The following PTBP3 variants were observed in gnomAD, a reference collection of about 807,000 sequenced individuals.
The protein encoded by PTBP3 is polypyrimidine tract-binding protein 3.
A neutral mutation model predicts 58.7 loss-of-function variants in PTBP3; 20 were observed. The observed-to-expected ratio is 0.34, with a 90% CI of 0.24 to 0.50. The LOEUF is 0.50. Among genes scored for constraint, PTBP3 ranks in the 20% least tolerant of loss-of-function variants. PTBP3 has a pLI of 0.98. For missense variants in PTBP3, 509 were observed against 637.2 expected (o/e 0.80, Z 2.17); for synonymous variants, 185 against 219.8 (o/e 0.84, Z 1.40).
chr9:112,230,040 T>C (rs115853672), intron 10 of PTBP3, among the ~76,000 whole-genome samples: 3,434 of 152,284 alleles, frequency 0.023, 108 homozygotes, highest in African/African-American at 0.066. Flanking sequence ...CTCTCGGGCG[T>C]TGAAAATTTT....
Position 112,252,805 on chromosome 9 carries a change from A to G in PTBP3, c.517-17T>C. ...AGAAAATATCTGGAAAACAGTTCAC[A>G]TTAGGTTAAATGTAAAAGAAAAGTA... On this transcript the variant is annotated splice_polypyrimidine_tract_variant and intron_variant, in intron 5 of 13. Coordinates refer to ENST00000374257, the MANE Select transcript of PTBP3 (RefSeq NM_001163788.4). 7.3e-7 allele frequency: 1 copy of G among 1,368,008 alleles called. No homozygotes were observed. The highest frequency in any genetic ancestry group is 1.2e-5 in the South Asian group (1 of 83,852). 84.7% of individuals were successfully genotyped at this position (1,368,008 alleles called of 1,614,324 possible). A position where few individuals can be genotyped will look rare whatever the true frequency, so the allele number is the denominator to read the frequency against.
chr9:112,365,154 GTC>G, the PTBP3 span, among the ~76,000 whole-genome samples: 1 of 81,178 alleles, frequency 1.2e-5, no homozygotes, highest in East Asian at 2.4e-4. Context: ...CATTGTATAT[GTC>G]TATCTATCTA....
chr9:112,349,136 G>A, the PTBP3 span, among the ~76,000 whole-genome samples: 1 of 152,080 alleles, frequency 6.6e-6, no homozygotes, highest in Admixed American at 6.6e-5. Context: ...GATCCTCTAG[G>A]TAGCCTCAGT....
intron 2 of PTBP3, among the ~76,000 whole-genome samples, chr9:112,278,034 A>G (rs977485957): frequency 3.3e-5 from 5 of 152,168 alleles, no homozygotes; most frequent in African/African-American, 1.2e-4. Flanking sequence ...CCAAATACCT[A>G]AACAGGCACC....
At chr9:112,314,732 A>C (rs536728765) in intron 1 of PTBP3, among the ~76,000 whole-genome samples, 3 of 152,160 alleles carry the variant, frequency 2.0e-5, no homozygotes, top group African/African-American at 7.2e-5. Context: ...ACAAATCTAC[A>C]ATTGCGGACA....
At chr9:112,331,524 A>T (rs1375600145) in intron 1 of PTBP3, among the ~76,000 whole-genome samples, 17 of 152,236 alleles carry the variant, frequency 1.1e-4, no homozygotes, top group Admixed American at 1.1e-3. Context: ...AATACCACGT[A>T]GATTTTTTAT....
At chr9:112,321,146 A>G (rs1829931048) in intron 1 of PTBP3, among the ~76,000 whole-genome samples, 2 of 152,346 alleles carry the variant, frequency 1.3e-5, no homozygotes, top group South Asian at 2.1e-4. Flanking sequence ...TATATAAAGA[A>G]TTCTTACACT....
intron 1 of PTBP3, among the ~76,000 whole-genome samples, chr9:112,300,755 GA>G (rs111312923): frequency 0.013 from 1,854 of 143,344 alleles, 40 homozygotes; most frequent in African/African-American, 0.044. Flanking sequence ...CCGTCTCAAA[GA>G]AAAAAAAAAA....
At chr9:112,329,501 T>C (rs887868475) in intron 1 of PTBP3, among the ~76,000 whole-genome samples, 4 of 152,214 alleles carry the variant, frequency 2.6e-5, no homozygotes, top group African/African-American at 9.7e-5. Context: ...AAATACTAAT[T>C]ATCCAGCTCT....
rs76795645 is a variant in PTBP3, at chr9:112,311,196, G to GTT, written c.-51-13282_-51-13281dup. Among the ~76,000 whole-genome samples the GTT allele has an allele frequency of 1.3e-3, 189 of 145,734 alleles. 1 individual carries two copies. Among genetic ancestry groups the GTT allele is most frequent in the African/African-American group, 4.4e-3 (174 of 39,820 alleles). ...CAGTTGCAGTTATGGTGGAAAATGT[G>GTT]TTTTTTTTTTTTTAATATACGATTG... On this transcript the variant is annotated intron_variant, in intron 1 of 13. Coordinates refer to ENST00000374257, the MANE Select transcript of PTBP3 (RefSeq NM_001163788.4).
At position 112,240,548 on chromosome 9, in the gene PTBP3, TAAAG is replaced by T. The variant is rs552546881; in HGVS notation, c.803-5655_803-5652del. Among the ~76,000 whole-genome samples, 239 of 151,892 alleles carry T rather than the reference TAAAG, an allele frequency of 1.6e-3. 1 individual carries two copies. The highest frequency in any genetic ancestry group is 5.6e-3 in the African/African-American group (232 of 41,470). On this transcript the variant is annotated intron_variant, in intron 7 of 13. Coordinates refer to ENST00000374257, the MANE Select transcript of PTBP3 (RefSeq NM_001163788.4). ...GTGTACAGTATATAATACTTGATAA[TAAAG>T]AATTATGTTATTGGTTTATATACAT... is the stretch of plus-strand genomic sequence containing the variant.
chr9:112,264,035 T>C (rs980146169), intron 4 of PTBP3, among the ~76,000 whole-genome samples: 30 of 152,140 alleles, frequency 2.0e-4, no homozygotes, highest in African/African-American at 7.2e-4. Context: ...AGAATTCCTA[T>C]TATGGGAAAT....
the PTBP3 span, among the ~76,000 whole-genome samples, chr9:112,379,276 G>A: frequency 6.6e-6 from 1 of 152,194 alleles, no homozygotes; most frequent in East Asian, 1.9e-4. Context: ...ATCTCCTCAA[G>A]GTCCTGTTCT....
chr9:112,230,853 C>A (rs562609107), intron 10 of PTBP3, among the ~76,000 whole-genome samples: 1 of 152,154 alleles, frequency 6.6e-6, no homozygotes, highest in Non-Finnish European at 1.5e-5. Flanking sequence ...AAACCTGAAT[C>A]GCATTATACC....
intron 2 of PTBP3, among the ~76,000 whole-genome samples, chr9:112,291,476 G>C (rs1320268060): frequency 3.3e-5 from 5 of 152,014 alleles, no homozygotes; most frequent in Admixed American, 6.5e-5. Context: ...ACATTACAAA[G>C]CTATAGTAAT....
In PTBP3 at chr9:112,223,144, T is replaced by C. The variant is rs1225803336; in HGVS notation, c.*707A>G. The C allele has an allele frequency of 1.6e-5, 14 of 892,728 alleles. No homozygotes were observed. Among genetic ancestry groups the C allele is most frequent in the South Asian group, 5.2e-5 (1 of 19,296 alleles). The allele number at this position is 892,728 out of a possible 1,614,324, so 55.3% of individuals were successfully genotyped here. On this transcript the variant is annotated 3_prime_UTR_variant, in exon 14 of 14. Transcript: ENST00000374257. Reference sequence around the variant, plus strand: ...CTGACATCTTATTAACAGATCTTAGTTGAATTCCACTTAATTTCCCTGGGG... The same window carrying C: ...CTGACATCTTATTAACAGATCTTAGCTGAATTCCACTTAATTTCCCTGGGG...
chr9:112,221,473 T>G lies in PTBP3; in HGVS notation c.*2378A>C. On this transcript the variant is annotated 3_prime_UTR_variant, in exon 14 of 14. Transcript: ENST00000374257. ...CATGAATTAATAAATTACACAGTAA[T>G]TCCTAACTTAAAGTAAATGAAATAA... 2 of 985,472 alleles carry G rather than the reference T, an allele frequency of 2.0e-6. No individual in the cohort carries two copies. The highest frequency in any genetic ancestry group is 2.4e-6 in the Non-Finnish European group (2 of 829,578). 61.0% of individuals were successfully genotyped at this position (985,472 alleles called of 1,614,324 possible). A position where few individuals can be genotyped will look rare whatever the true frequency, so the allele number is the denominator to read the frequency against.
chr9:112,336,278 A>G (rs1830575778), upstream of PTBP3, among the ~76,000 whole-genome samples: 1 of 152,238 alleles, frequency 6.6e-6, no homozygotes. Flanking sequence ...TCATGAATGT[A>G]TGAGTATCTT....
chr9:112,343,546 T>C, the PTBP3 span, among the ~76,000 whole-genome samples: 1 of 152,176 alleles, frequency 6.6e-6, no homozygotes, highest in Non-Finnish European at 1.5e-5. Flanking sequence ...TCCCAGCATT[T>C]TGGGAGGCCG....
Sources: gnomAD v4.1 joint callset for allele counts (sites outside exome capture counted in the v4.1 genomes callset) on GRCh38, gnomAD v4.1.1 for gene constraint, MANE v1.5 for transcripts, NCBI Gene and HGNC (gene_info 2026-07-23, HGNC 2026-07-21) for gene names.